COL4A1: variants seen among roughly 807,000 people sequenced by gnomAD.
The protein encoded by COL4A1 is collagen type IV alpha 1 chain.
A neutral mutation model predicts 216.6 loss-of-function variants in COL4A1; 40 were observed. The observed-to-expected ratio is 0.18, with a 90% CI of 0.14 to 0.24. The LOEUF (loss-of-function observed/expected upper bound fraction) is 0.24, where lower values mean the gene tolerates loss of function less well. Ranked by LOEUF, COL4A1 falls within the 10% of genes least tolerant of loss-of-function variation. COL4A1 has a pLI of 1.00. For missense variants in COL4A1, 1,628 were observed against 2,196.8 expected (o/e 0.74, Z 5.18); for synonymous variants, 839 against 810.7 (o/e 1.03, Z -0.59).
At chr13:110,303,638 C>T (rs12859913) in intron 1 of COL4A1, among the ~76,000 whole-genome samples, 22,132 of 152,246 alleles carry the variant, frequency 0.15, 1,809 homozygotes, top group East Asian at 0.28. Flanking sequence ...ATTTCAGAGG[C>T]GGAAGCCCCT....
chr13:110,168,309 C>T (rs1236219972), intron 43 of COL4A1, among the ~76,000 whole-genome samples: 2 of 152,110 alleles, frequency 1.3e-5, no homozygotes, highest in African/African-American at 4.8e-5. Context: ...GCTACCAGGC[C>T]CAGCCGGGAA....
chr13:110,210,483 C>T (rs1251572355), intron 8 of COL4A1, among the ~76,000 whole-genome samples: 1 of 149,838 alleles, frequency 6.7e-6, no homozygotes, highest in Non-Finnish European at 1.5e-5. Flanking sequence ...CCACACTGCC[C>T]GAGGACCACC....
At chr13:110,234,795 C>T (rs1001865303) in intron 2 of COL4A1, among the ~76,000 whole-genome samples, 19 of 152,038 alleles carry the variant, frequency 1.2e-4, no homozygotes, top group African/African-American at 3.6e-4. Context: ...CCGGAGGAAA[C>T]ATCTGTTGAC....
chr13:110,215,140 C>A (rs191330956), intron 2 of COL4A1, among the ~76,000 whole-genome samples: 8 of 152,312 alleles, frequency 5.3e-5, no homozygotes, highest in Admixed American at 2.0e-4. Context: ...ACGTCTTCCT[C>A]TTTAGAGACC....
chr13:110,305,349 A>G (rs1884642989), intron 1 of COL4A1, among the ~76,000 whole-genome samples: 1 of 152,252 alleles, frequency 6.6e-6, no homozygotes, highest in Admixed American at 6.5e-5. Flanking sequence ...CCGGGTGAGA[A>G]CAGGATTTGC....
Position 110,169,768 on chromosome 13 carries a change from G to A in COL4A1, c.3743-6C>T, listed in dbSNP as rs1216005397. 3.7e-6 allele frequency: 6 copies of A among 1,613,742 alleles called. No homozygotes were observed. The African/African-American group carries it at 5.3e-5, about 14-fold the overall frequency. ...CCCCATGGGTCCCGGAAGTCCTAAT[G>A]GAAGAGAAGAAAGCCACACATTTGG... On this transcript the variant is annotated splice_polypyrimidine_tract_variant and splice_region_variant and intron_variant, in intron 42 of 51. Coordinates refer to ENST00000375820, the MANE Select transcript of COL4A1 (RefSeq NM_001845.6).
At chr13:110,226,113 C>T (rs1204787144) in intron 2 of COL4A1, among the ~76,000 whole-genome samples, 1 of 152,022 alleles carries the variant, frequency 6.6e-6, no homozygotes, top group Non-Finnish European at 1.5e-5. Flanking sequence ...GAAAAGGCCA[C>T]ACTGCTAGTG....
At position 110,183,100 on chromosome 13, in the gene COL4A1, G is replaced by A. The variant is rs773818967; in HGVS notation, c.1991-3C>T. 6.2e-7 allele frequency: 1 copy of A among 1,612,790 alleles called. No individual in the cohort carries two copies. The highest frequency in any genetic ancestry group is 1.1e-5 in the South Asian group (1 of 90,748). ...GGTTCCGGGAAAGCCTCGGTCTCCT[G>A]TGGTGAGAAAGACCAACAGTCAGCG... On this transcript the variant is annotated splice_polypyrimidine_tract_variant and splice_region_variant and intron_variant, in intron 27 of 51. Coordinates refer to ENST00000375820, the MANE Select transcript of COL4A1 (RefSeq NM_001845.6).
chr13:110,195,493 T>C (rs1019162799), intron 21 of COL4A1, among the ~76,000 whole-genome samples: 5 of 152,224 alleles, frequency 3.3e-5, no homozygotes, highest in Non-Finnish European at 7.3e-5. Flanking sequence ...TCCAGGGTCA[T>C]GCATCTAGTC....
intron 1 of COL4A1, among the ~76,000 whole-genome samples, chr13:110,272,255 C>G (rs2139290666): frequency 6.6e-6 from 1 of 152,228 alleles, no homozygotes; most frequent in African/African-American, 2.4e-5. Context: ...TGAAGTATAC[C>G]TACACACATT....
chr13:110,196,213 C>T (rs1878882611), intron 21 of COL4A1, among the ~76,000 whole-genome samples: 3 of 152,154 alleles, frequency 2.0e-5, no homozygotes, highest in South Asian at 4.1e-4. Context: ...TGAGTTTCTC[C>T]CCACAAAGCA....
At chr13:110,155,742 C>G (rs1876753183) in intron 49 of COL4A1, among the ~76,000 whole-genome samples, 1 of 152,168 alleles carries the variant, frequency 6.6e-6, no homozygotes, top group African/African-American at 2.4e-5. Context: ...GAAACGCTGT[C>G]TCTACTAAAA....
rs1289602390 is a variant in COL4A1, at chr13:110,176,510, G to T, written c.2972C>A (p.Pro991His). Reference protein sequence around the residue: ...GQAGQPGQPGPKGDPGISGTP... With the variant: ...GQAGQPGQPGHKGDPGISGTP... ...TCCACTTATACCTGGATCACCTTTA[G>T]GTCCTAGAACCATAAAGAAAGCAGT... The change falls in exon 36 of 52, where the codon CCT becomes CAT. Residue 991 changes from proline (P) to histidine (H), a missense_variant. Physicochemically the swap from Pro to His is moderately conservative, Grantham distance 77 (BLOSUM62 -2). Coordinates refer to ENST00000375820, the MANE Select transcript of COL4A1 (RefSeq NM_001845.6). 4.3e-6 allele frequency: 7 copies of T among 1,612,448 alleles called. No homozygotes were observed. Among genetic ancestry groups the T allele is most frequent in the Non-Finnish European group, 5.9e-6 (7 of 1,178,450 alleles).
intron 51 of COL4A1, among the ~76,000 whole-genome samples, chr13:110,151,115 AAAAT>A (rs1323595168): frequency 1.3e-5 from 2 of 152,214 alleles, no homozygotes; most frequent in Admixed American, 6.5e-5. Context: ...AAATTCTATT[AAAAT>A]AAATAAATTA....
At chr13:110,216,210 G>A (rs35549902) in intron 2 of COL4A1, among the ~76,000 whole-genome samples, 4,242 of 152,294 alleles carry the variant, frequency 0.028, 89 homozygotes, top group Non-Finnish European at 0.044. Context: ...GCCTGTGACA[G>A]TGAGGAAGGA....
At position 110,181,392 on chromosome 13, in the gene COL4A1, GTTT is replaced by G; in HGVS notation, c.2096-6_2096-4del. The G allele has an allele frequency of 1.3e-6, 2 of 1,591,858 alleles. No individual in the cohort carries two copies. Among genetic ancestry groups the G allele is most frequent in the Non-Finnish European group, 1.7e-6 (2 of 1,162,702 alleles). The stretch of plus-strand genomic sequence containing the variant: ...GTCTCCAGGTAAGCCGTCAACACCT[GTTT>G]TAAAGAGTCAAAAAAAAAAAACAAA... On this transcript the variant is annotated splice_polypyrimidine_tract_variant and splice_region_variant and intron_variant, in intron 28 of 51. Coordinates refer to ENST00000375820, the MANE Select transcript of COL4A1 (RefSeq NM_001845.6).
intron 1 of COL4A1, among the ~76,000 whole-genome samples, chr13:110,252,616 T>A (rs1421472566): frequency 5.0e-5 from 1 of 20,016 alleles, no homozygotes; most frequent in Non-Finnish European, 1.0e-4. Context: ...ATTATATATG[T>A]ATAATTGTAT....
chr13:110,184,676 T>G (rs918505257), intron 26 of COL4A1, among the ~76,000 whole-genome samples: 7 of 143,776 alleles, frequency 4.9e-5, no homozygotes, highest in African/African-American at 1.8e-4. Flanking sequence ...GCTTAGGAAC[T>G]GGACTGTGTG....
rs147730022 is a variant in COL4A1 at position 110,253,838 on chromosome 13, G to A, written c.85-11104C>T. Among the ~76,000 whole-genome samples the A allele has an allele frequency of 3.6e-3, 489 of 134,660 alleles. 5 individuals carry two copies. Among genetic ancestry groups the A allele is most frequent in the African/African-American group, 0.012 (470 of 37,802 alleles). The allele number at this position is 134,660 out of a possible 152,430, so 88.3% of individuals were successfully genotyped here. Reference sequence around the variant, plus strand: ...ATACGTATGTATGTATTATATATACGTATAATTATACGTATATATGTATGT... The same window carrying A: ...ATACGTATGTATGTATTATATATACATATAATTATACGTATATATGTATGT... On this transcript the variant is annotated intron_variant, in intron 1 of 51. Transcript: ENST00000375820.
Sources: gnomAD v4.1 joint callset for allele counts (sites outside exome capture counted in the v4.1 genomes callset) on GRCh38, gnomAD v4.1.1 for gene constraint, MANE v1.5 for transcripts, NCBI Gene and HGNC (gene_info 2026-07-23, HGNC 2026-07-21) for gene names.